LARGE1: variants seen among roughly 807,000 people sequenced by gnomAD.
LARGE1 encodes xylosyl- and glucuronyltransferase LARGE1.
LARGE1 carries 43 observed loss-of-function variants against 87.6 expected under a neutral mutation model. The observed-to-expected ratio is 0.49, with a 90% confidence interval of 0.38 to 0.63. The LOEUF is 0.63. LARGE1 is among the 30% of genes least tolerant of loss of function. The pLI is 0.00. For missense variants in LARGE1, 802 were observed against 1,000.2 expected (o/e 0.80, Z 2.67); for synonymous variants, 434 against 394.6 (o/e 1.10, Z -1.18).
chr22:33,244,166 T>TTG (rs1249691601), intron 11 of LARGE1, among the ~76,000 whole-genome samples: 2 of 151,872 alleles, frequency 1.3e-5, no homozygotes, highest in Non-Finnish European at 2.9e-5. Flanking sequence ...TTTTTTTTTT[T>TTG]TTGTATTTTT....
At chr22:33,441,165 C>A (rs1161649877) in intron 6 of LARGE1, among the ~76,000 whole-genome samples, 1 of 145,024 alleles carries the variant, frequency 6.9e-6, no homozygotes, top group Non-Finnish European at 1.5e-5. Flanking sequence ...ACCTCCACTT[C>A]CCAGTTCAAG....
At chr22:33,663,107 G>A (rs974208845) in intron 2 of LARGE1, among the ~76,000 whole-genome samples, 4 of 152,078 alleles carry the variant, frequency 2.6e-5, no homozygotes, top group Admixed American at 6.6e-5. Flanking sequence ...CATCCCTTAG[G>A]AGAAAATCAG....
intron 1 of LARGE1, among the ~76,000 whole-genome samples, chr22:33,860,516 G>C (rs533334088): frequency 2.6e-5 from 4 of 152,192 alleles, no homozygotes; most frequent in Non-Finnish European, 4.4e-5. Context: ...GGGAACTCCA[G>C]GGTCACAGTG....
intron 11 of LARGE1, among the ~76,000 whole-genome samples, chr22:33,313,194 C>T (rs1236837796): frequency 6.6e-6 from 1 of 152,142 alleles, no homozygotes; most frequent in Non-Finnish European, 1.5e-5. Flanking sequence ...TCCCCACTGG[C>T]CCTGACGTCT....
At chr22:33,816,398 T>C (rs982177962) in intron 1 of LARGE1, among the ~76,000 whole-genome samples, 4 of 152,296 alleles carry the variant, frequency 2.6e-5, no homozygotes, top group African/African-American at 9.6e-5. Flanking sequence ...ATTCAGTGTC[T>C]GGTGAGAGTC....
chr22:33,303,816 G>GT (rs539519746), intron 12 of LARGE1, among the ~76,000 whole-genome samples: 10 of 151,010 alleles, frequency 6.6e-5, no homozygotes, highest in African/African-American at 2.5e-4. Flanking sequence ...GTAGGGGGGG[G>GT]GTTTCACCAT....
chr22:33,254,998 C>T (rs527305019), intron 11 of LARGE1, among the ~76,000 whole-genome samples: 3 of 147,272 alleles, frequency 2.0e-5, no homozygotes, highest in Non-Finnish European at 3.0e-5. Context: ...AGTGCAGCGG[C>T]GAGATCTCTG....
At chr22:33,592,065 A>AGGGAGGGGAGGGGAGGAGAGAGGAG (rs149820556) in intron 5 of LARGE1, among the ~76,000 whole-genome samples, 4 of 92,198 alleles carry the variant, frequency 4.3e-5, no homozygotes, top group African/African-American at 1.7e-4. Context: ...GGAGAGGAGA[A>AGGGAGGGGAGGGGAGGAGAGAGGAG]GGGAGGGGAG....
intron 6 of LARGE1, among the ~76,000 whole-genome samples, chr22:33,447,013 C>A (rs1032316312): frequency 6.6e-6 from 1 of 152,214 alleles, no homozygotes; most frequent in African/African-American, 2.4e-5. Flanking sequence ...CCTGCCTCAG[C>A]CTCCCATGTA....
At chr22:33,541,790 G>A (rs909122013) in intron 6 of LARGE1, among the ~76,000 whole-genome samples, 1 of 150,118 alleles carries the variant, frequency 6.7e-6, no homozygotes, top group Non-Finnish European at 1.5e-5. Context: ...TGGGATATCA[G>A]GGTATCTCTA....
intron 6 of LARGE1, among the ~76,000 whole-genome samples, chr22:33,540,054 C>A (rs535032863): frequency 1.1e-4 from 17 of 152,258 alleles, no homozygotes; most frequent in African/African-American, 3.1e-4. Flanking sequence ...GTCCCTTTTA[C>A]CCTGTGGAGG....
intron 11 of LARGE1, among the ~76,000 whole-genome samples, chr22:33,182,468 T>C (rs1923223770): frequency 1.3e-5 from 2 of 152,166 alleles, no homozygotes; most frequent in Admixed American, 6.5e-5. Context: ...CCAAGACAAT[T>C]CAATAGGGAA....
chr22:33,326,012 C>T (rs1198141385), intron 10 of LARGE1, among the ~76,000 whole-genome samples: 1 of 152,172 alleles, frequency 6.6e-6, no homozygotes, highest in Admixed American at 6.5e-5. Context: ...TCTTATTAAG[C>T]CACACAGACA....
At chr22:33,214,083 G>A (rs1488118586) in intron 11 of LARGE1, among the ~76,000 whole-genome samples, 1 of 152,060 alleles carries the variant, frequency 6.6e-6, no homozygotes, top group Non-Finnish European at 1.5e-5. Flanking sequence ...CTTCTTTATT[G>A]CAATGGTCAG....
intron 11 of LARGE1, among the ~76,000 whole-genome samples, chr22:33,189,493 T>C (rs749394408): frequency 1.3e-5 from 2 of 152,028 alleles, no homozygotes; most frequent in Non-Finnish European, 2.9e-5. Context: ...ATACACACAC[T>C]CACGATACTC....
chr22:33,203,167 C>G (rs78364425), intron 11 of LARGE1, among the ~76,000 whole-genome samples: 5,764 of 142,344 alleles, frequency 0.04, 170 homozygotes, highest in South Asian at 0.15. Context: ...GACAGACAGA[C>G]AGAGAGAGGC....
At chr22:33,836,982 T>C (rs545565155) in intron 1 of LARGE1, among the ~76,000 whole-genome samples, 24 of 152,146 alleles carry the variant, frequency 1.6e-4, no homozygotes, top group African/African-American at 4.3e-4. Flanking sequence ...AATCCCAGAA[T>C]AGTAACTGTA....
At chr22:33,412,307 T>A (rs1380330605) in intron 7 of LARGE1, among the ~76,000 whole-genome samples, 2 of 141,792 alleles carry the variant, frequency 1.4e-5, no homozygotes, top group African/African-American at 5.5e-5. Flanking sequence ...ATATATATAT[T>A]TATTATTATT....
At chr22:33,475,547 C>T (rs5754571) in intron 6 of LARGE1, among the ~76,000 whole-genome samples, 25,178 of 151,632 alleles carry the variant, frequency 0.17, 2,440 homozygotes, top group East Asian at 0.28. Context: ...CTGCAACCTC[C>T]GCCTCCCAGG....
Sources: allele counts gnomAD v4.1 joint callset (sites outside exome capture counted in the v4.1 genomes callset), GRCh38; gene constraint gnomAD v4.1.1; transcripts MANE v1.5; gene names NCBI Gene and HGNC (gene_info 2026-07-23, HGNC 2026-07-21).